Variants in DSG1 observed in about 807,000 individuals in gnomAD.
DSG1 encodes desmoglein 1, also known as desmoglein-1.
DSG1 carries 39 observed loss-of-function variants against 97.5 expected under a neutral mutation model. The observed-to-expected ratio is 0.40, with a 90% confidence interval of 0.31 to 0.52. DSG1 has a LOEUF of 0.52. Ranked by LOEUF, DSG1 falls within the 20% of genes least tolerant of loss-of-function variation. The pLI, the probability that DSG1 is intolerant of heterozygous loss-of-function variation, is 0.53. For synonymous variants in DSG1, 475 were observed against 443.4 expected (o/e 1.07, Z -0.90); for missense variants, 1,311 against 1,295.4 (o/e 1.01, Z -0.18).
intron 9 of DSG1, 125 bp from the exon 10 acceptor site, chr18:31,338,190 C>A: frequency 9.9e-7 from 1 of 1,007,458 alleles, no homozygotes; most frequent in Non-Finnish European, 1.5e-6. Context: ...AAAATAAAGT[C>A]TCTAGTAATT....
Position 31,340,000 on chromosome 18 carries a change from C to T in DSG1, c.1662C>T (p.Leu554=), listed in dbSNP as rs1345144880. The T allele has an allele frequency of 6.2e-7, 1 of 1,614,056 alleles. No homozygotes were observed. Among genetic ancestry groups the T allele is most frequent in the Non-Finnish European group, 8.5e-7 (1 of 1,179,974 alleles). ...TTGGTCCTGCTGGCATTGGACTCCT[C>T]ATCATGGGATTCTTGGTCTTAGGAT... ...VHFGPAGIGL[L]IMGFLVLGLV... The change falls in exon 11 of 15, where the codon CTC becomes CTT. Residue 554 remains leucine (L), a synonymous_variant. Coordinates refer to ENST00000257192, the MANE Select transcript of DSG1 (RefSeq NM_001942.4).
chr18:31,346,037 G>A lies in DSG1; in HGVS notation c.1939G>A (p.Gly647Arg). 2.5e-6 allele frequency: 4 copies of A among 1,613,918 alleles called. No individual in the cohort carries two copies. The highest frequency in any genetic ancestry group is 2.5e-6 in the Non-Finnish European group (3 of 1,179,870). The change falls in exon 14 of 15, where the codon GGA (glycine) becomes AGA (arginine). Residue 647 changes from glycine (G) to arginine (R), a missense_variant. By Grantham distance (125) the Gly-to-Arg change is moderately radical (BLOSUM62 -2). Transcript: ENST00000257192. The part of the protein sequence containing the change: ...YGGREMQDLG[G>R]GERMTGFELT... ...TGGCAGAGAAATGCAAGATCTGGGAGGAGGAGAGAGAATGACAGGATTTGA... is the reference window on the plus strand; with the variant it reads ...TGGCAGAGAAATGCAAGATCTGGGAAGAGGAGAGAGAATGACAGGATTTGA...
At chr18:31,318,740 T>TG (rs376252148) in intron 1 of DSG1, among the ~76,000 whole-genome samples, 20 of 152,126 alleles carry the variant, frequency 1.3e-4, no homozygotes, top group South Asian at 8.3e-4. Flanking sequence ...TTTATTTTTT[T>TG]TGTGTGTTTG....
chr18:31,328,104 C>A (rs1349703080), intron 3 of DSG1, 85 bp from the exon 4 acceptor site: 50 of 1,441,122 alleles, frequency 3.5e-5, no homozygotes, highest in Non-Finnish European at 2.8e-5. Context: ...TCATCACATG[C>A]AACAACTCTC....
chr18:31,328,645 A>C (rs2071701865), intron 4 of DSG1, among the ~76,000 whole-genome samples: 1 of 152,150 alleles, frequency 6.6e-6, no homozygotes, highest in Non-Finnish European at 1.5e-5. Context: ...AAATTCAGTA[A>C]AGAATGTTAC....
intron 14 of DSG1, among the ~76,000 whole-genome samples, chr18:31,349,281 T>C (rs1364566776): frequency 2.4e-4 from 34 of 140,286 alleles, no homozygotes; most frequent in South Asian, 1.2e-3. Context: ...GTTGTAGATA[T>C]GCGGTGTTAT....
intron 6 of DSG1, 106 bp from the exon 7 acceptor site, chr18:31,333,483 C>A: frequency 7.3e-7 from 1 of 1,376,044 alleles, no homozygotes; most frequent in Non-Finnish European, 1.0e-6. Flanking sequence ...CTACCTCTAT[C>A]ATAGATTTAT....
At chr18:31,348,527 C>A (rs1476641160) in intron 14 of DSG1, among the ~76,000 whole-genome samples, 10 of 150,594 alleles carry the variant, frequency 6.6e-5, no homozygotes, top group Non-Finnish European at 2.9e-5. Flanking sequence ...AGTTCTAGAT[C>A]CCTGAGGAAT....
At position 31,318,733 on chromosome 18, in the gene DSG1, A is replaced by T. The variant is rs568412602; in HGVS notation, c.48+385A>T. ...GGATTTTTAACCTGTTTTTTTTTTT[A>T]TTTTTTTTGTGTGTTTGGTGGTGGA... On this transcript the variant is annotated intron_variant, in intron 1 of 14. Transcript: ENST00000257192. Among the ~76,000 whole-genome samples the T allele has an allele frequency of 2.9e-3, 435 of 149,448 alleles. 4 individuals carry two copies. The highest frequency in any genetic ancestry group is 0.021 in the East Asian group (108 of 5,086).
At chr18:31,325,504 A>C (rs2071680261) in intron 1 of DSG1, among the ~76,000 whole-genome samples, 1 of 152,312 alleles carries the variant, frequency 6.6e-6, no homozygotes, top group African/African-American at 2.4e-5. Flanking sequence ...AGGAGCATGC[A>C]TTTACATGAA....
rs1184323960 is a variant in DSG1 at position 31,334,118 on chromosome 18, T to C, written c.921T>C (p.Ile307=). Residue 307 remains isoleucine (I), a synonymous_variant, in exon 8 of 15, where the codon ATT becomes ATC. Coordinates refer to ENST00000257192, the MANE Select transcript of DSG1 (RefSeq NM_001942.4). ...TCTCAGCTAACTGGATGGCAGTAAT[T>C]TTCTTTATCTCTGGAAATGAAGGAA... The part of the protein sequence containing the change: ...EEFSANWMAV[I]FFISGNEGNW... 3.7e-6 allele frequency: 6 copies of C among 1,610,236 alleles called. No homozygotes were observed. The highest frequency in any genetic ancestry group is 1.3e-5 in the African/African-American group (1 of 74,966).
chr18:31,330,649 A>C (rs989114735), intron 5 of DSG1, among the ~76,000 whole-genome samples: 1 of 152,096 alleles, frequency 6.6e-6, no homozygotes, highest in Admixed American at 6.6e-5. Flanking sequence ...ATTTCCTAGT[A>C]CCATTCTTCA....
In DSG1 at chr18:31,339,759, C is replaced by A; in HGVS notation, c.1421C>A (p.Thr474Asn). The A allele has an allele frequency of 6.2e-7, 1 of 1,611,170 alleles. No homozygotes were observed. The highest frequency in any genetic ancestry group is 1.1e-5 in the South Asian group (1 of 90,972). ...ILSIDDNLQR[T>N]CTGTININIQ... ...GTTATTACAGATAATCTTCAAAGAACTTGCACTGGTACAATTAATATTAAC... is the reference window on the plus strand; with the variant it reads ...GTTATTACAGATAATCTTCAAAGAAATTGCACTGGTACAATTAATATTAAC... Residue 474 changes from threonine (T) to asparagine (N), a missense_variant, in exon 11 of 15, where the codon ACT becomes AAT. Thr to Asn is a moderately conservative substitution (Grantham distance 65, BLOSUM62 0). This residue lies in a region of DSG1 where 1,038 missense variants were observed against 964.6 expected (regional missense o/e 1.08). Coordinates refer to ENST00000257192, the MANE Select transcript of DSG1 (RefSeq NM_001942.4).
intron 4 of DSG1, 88 bp from the exon 5 acceptor site, chr18:31,329,804 A>T: frequency 6.7e-7 from 1 of 1,490,900 alleles, no homozygotes; most frequent in Non-Finnish European, 9.3e-7. Flanking sequence ...TAATTCTTTT[A>T]ATTCGCCACA....
At chr18:31,349,472 A>C (rs1158410967) in intron 14 of DSG1, among the ~76,000 whole-genome samples, 2 of 150,370 alleles carry the variant, frequency 1.3e-5, no homozygotes, top group African/African-American at 2.5e-5. Flanking sequence ...TTCCATATGA[A>C]CTTTAAAGTA....
At chr18:31,329,182 C>T (rs2144090591) in intron 4 of DSG1, among the ~76,000 whole-genome samples, 1 of 152,216 alleles carries the variant, frequency 6.6e-6, no homozygotes, top group African/African-American at 2.4e-5. Context: ...CATTCCATCA[C>T]CTCTGTTTTC....
chr18:31,340,763 C>G (rs1433589397), intron 11 of DSG1, among the ~76,000 whole-genome samples: 1 of 152,142 alleles, frequency 6.6e-6, no homozygotes, highest in Non-Finnish European at 1.5e-5. Flanking sequence ...ATGCGCATGA[C>G]AGCATGGTGA....
chr18:31,330,687 AT>A (rs1161272760), intron 5 of DSG1, among the ~76,000 whole-genome samples: 4 of 152,148 alleles, frequency 2.6e-5, no homozygotes, highest in African/African-American at 9.7e-5. Context: ...CATGCGCTCC[AT>A]AATTATGTAA....
In DSG1 at chr18:31,354,992, C is replaced by T. The variant is rs562613823; in HGVS notation, c.2796C>T (p.Gly932=). The change falls in exon 15 of 15, where the codon GGC becomes GGT. Residue 932 remains glycine, a synonymous_variant. Coordinates refer to ENST00000257192, the MANE Select transcript of DSG1 (RefSeq NM_001942.4). ...VTERVIQPTS[G]MIGSLSMHPE... is the part of the protein sequence containing the mutation. ...AAAGAGTAATCCAACCAACTTCCGG[C>T]ATGATAGGTAGTCTGAGTATGCACC... The T allele has an allele frequency of 6.2e-7, 1 of 1,614,240 alleles. No homozygotes were observed.
Sources: gnomAD v4.1 joint callset for allele counts (sites outside exome capture counted in the v4.1 genomes callset) on GRCh38, gnomAD v4.1.1 for gene constraint, gnomAD v4.1.1 regional missense constraint, MANE v1.5 for transcripts, NCBI Gene and HGNC (gene_info 2026-07-23, HGNC 2026-07-21) for gene names.